Variants in ANKMY1 observed in about 807,000 individuals in gnomAD.
ANKMY1 encodes ankyrin repeat and MYND domain-containing protein 1.
ANKMY1 carries 98 observed loss-of-function variants against 102.0 expected under a neutral mutation model. That is an observed-to-expected ratio of 0.96 (90% CI 0.82 to 1.14). ANKMY1 has a LOEUF of 1.14. ANKMY1 is among the 50% of genes most tolerant of loss of function. The pLI is 0.00. For missense variants in ANKMY1, 1,330 were observed against 1,347.6 expected (o/e 0.99, Z 0.20); for synonymous variants, 582 against 559.9 (o/e 1.04, Z -0.56).
At chr2:240,500,854 G>C (rs547885725) in intron 13 of ANKMY1, among the ~76,000 whole-genome samples, 1 of 152,202 alleles carries the variant, frequency 6.6e-6, no homozygotes, top group Non-Finnish European at 1.5e-5. Flanking sequence ...CCATAGAATC[G>C]ACAGAGTCTG....
intron 15 of ANKMY1, among the ~76,000 whole-genome samples, chr2:240,485,249 A>G (rs1249954585): frequency 6.6e-6 from 1 of 151,300 alleles, no homozygotes; most frequent in African/African-American, 2.4e-5. Flanking sequence ...AATGGCGTGA[A>G]CCCGGGAGGT....
At chr2:240,468,896 C>T in the ANKMY1 span, among the ~76,000 whole-genome samples, 1 of 152,190 alleles carries the variant, frequency 6.6e-6, no homozygotes, top group Non-Finnish European at 1.5e-5. Flanking sequence ...GCACACAGGC[C>T]TCCCACAAAG....
At chr2:240,552,605 T>C (rs1458864120) in intron 4 of ANKMY1, 16 of 362,996 alleles carry the variant, frequency 4.4e-5, no homozygotes, top group Non-Finnish European at 7.8e-5. Context: ...TGTTCTCCAT[T>C]TAAAAAGGCA....
At chr2:240,537,627 T>C (rs1380311050) in intron 4 of ANKMY1, among the ~76,000 whole-genome samples, 3 of 152,220 alleles carry the variant, frequency 2.0e-5, no homozygotes, top group Non-Finnish European at 4.4e-5. Flanking sequence ...CACTCCCAAG[T>C]ATCTTCCCAA....
At chr2:240,498,841 C>T (rs2077650955) in intron 15 of ANKMY1, among the ~76,000 whole-genome samples, 1 of 152,064 alleles carries the variant, frequency 6.6e-6, no homozygotes, top group Admixed American at 6.5e-5. Context: ...GCCTGGGACA[C>T]CCCCGCCTTC....
At chr2:240,539,722 G>GCTAA (rs1559360607) in intron 4 of ANKMY1, among the ~76,000 whole-genome samples, 1 of 152,214 alleles carries the variant, frequency 6.6e-6, no homozygotes. Flanking sequence ...GATGCATGAT[G>GCTAA]CTAAGTGTCA....
intron 16 of ANKMY1, 77 bp from the exon 17 acceptor site, chr2:240,481,174 G>A: frequency 6.5e-7 from 1 of 1,538,434 alleles, no homozygotes. Context: ...CCTGGGAGCT[G>A]TGCCTGGCCC....
intron 2 of ANKMY1, among the ~76,000 whole-genome samples, chr2:240,556,373 A>C (rs1272762999): frequency 3.3e-5 from 5 of 151,774 alleles, no homozygotes; most frequent in Non-Finnish European, 7.4e-5. Flanking sequence ...AAGGAGAAAG[A>C]CTCTCCTTTG....
In ANKMY1 at chr2:240,506,209, C is replaced by T. The variant is rs777313063; in HGVS notation, c.2526+1351G>A. ...TTCTGTATGTTCAAGGCACATTCAG[C>T]GTCCACACACAACAACGCTGCCCCC... On this transcript the variant is annotated intron_variant, in intron 13 of 17. Transcript: ENST00000401804. This position sits in a 1 kb window ranked among gnomAD's most constrained non-coding sequence, Gnocchi z 4.9. Among the ~76,000 whole-genome samples the T allele has an allele frequency of 1.3e-5, 2 of 152,208 alleles. No homozygotes were observed. The highest frequency in any genetic ancestry group is 4.8e-5 in the African/African-American group (2 of 41,456).
the ANKMY1 span, among the ~76,000 whole-genome samples, chr2:240,472,049 T>C: frequency 7.3e-4 from 111 of 151,866 alleles, no homozygotes; most frequent in African/African-American, 2.7e-3. Flanking sequence ...CAGTCCTGCC[T>C]TCCCAAGGAC....
At chr2:240,551,314 T>A (rs1324007987) in intron 4 of ANKMY1, among the ~76,000 whole-genome samples, 1 of 152,244 alleles carries the variant, frequency 6.6e-6, no homozygotes. Flanking sequence ...TCTGCCTAAT[T>A]TCTCCAGAAT....
chr2:240,557,828 G>C, intron 1 of ANKMY1, 53 bp downstream of exon 1: 1 of 972,442 alleles, frequency 1.0e-6, no homozygotes, highest in African/African-American at 1.8e-5. Context: ...GCCCCACGGA[G>C]CTCCGGGATC....
rs990102971 is a variant in ANKMY1, at chr2:240,529,772, A to G, written c.481-263T>C. Among the ~76,000 whole-genome samples, 1 of 152,070 alleles carries G rather than the reference A, an allele frequency of 6.6e-6. No homozygotes were observed. Among genetic ancestry groups the G allele is most frequent in the Non-Finnish European group, 1.5e-5 (1 of 67,994 alleles). ...GCCAGGGAGGTCTCAGTGGCCTCTGAGGTGAGGACATGATGGAAGTCTCAT... is the reference window on the plus strand; with the variant it reads ...GCCAGGGAGGTCTCAGTGGCCTCTGGGGTGAGGACATGATGGAAGTCTCAT... On this transcript the variant is annotated intron_variant, in intron 4 of 17. Coordinates refer to ENST00000401804, the MANE Select transcript of ANKMY1 (RefSeq NM_001282771.3). This position sits in a 1 kb window ranked among gnomAD's most constrained non-coding sequence, Gnocchi z 4.2.
intron 15 of ANKMY1, among the ~76,000 whole-genome samples, chr2:240,489,588 T>G (rs900198568): frequency 6.6e-6 from 1 of 152,246 alleles, no homozygotes; most frequent in African/African-American, 2.4e-5. Context: ...TTTATTAATT[T>G]GCATATGTTG....
chr2:240,475,521 G>A (rs1032168030), downstream of ANKMY1, among the ~76,000 whole-genome samples: 6 of 151,870 alleles, frequency 4.0e-5, no homozygotes, highest in Non-Finnish European at 8.8e-5. Flanking sequence ...AAAGAACCTT[G>A]CTTAAATACT....
At chr2:240,542,916 TTAAG>T (rs974982735) in intron 4 of ANKMY1, among the ~76,000 whole-genome samples, 5 of 150,292 alleles carry the variant, frequency 3.3e-5, no homozygotes, top group East Asian at 1.9e-4. Context: ...TTAATTTTCA[TTAAG>T]TAATAAGTAA....
At chr2:240,498,842 C>A (rs1020976758) in intron 15 of ANKMY1, among the ~76,000 whole-genome samples, 3 of 151,978 alleles carry the variant, frequency 2.0e-5, no homozygotes, top group African/African-American at 4.8e-5. Context: ...CCTGGGACAC[C>A]CCCGCCTTCT....
chr2:240,560,934 C>G (rs755399446), upstream of ANKMY1: 9 of 1,536,996 alleles, frequency 5.9e-6, no homozygotes, highest in East Asian at 1.3e-4. Context: ...GCACCTGGAG[C>G]CCACGTGCGC....
rs1200675258 is a variant in ANKMY1, at chr2:240,492,599, C to A, written c.2806+7359G>T. Among the ~76,000 whole-genome samples, 5 of 152,134 alleles carry A rather than the reference C, an allele frequency of 3.3e-5. No homozygotes were observed. In the East Asian group the frequency reaches 9.6e-4, roughly 29 times the overall value. On this transcript the variant is annotated intron_variant, in intron 15 of 17. Transcript: ENST00000401804. ...TTTAAAATGTCTCTTTGATAAATTTCTCATTCATATCCTGAATTGTTTTTC... is the reference window on the plus strand; with the variant it reads ...TTTAAAATGTCTCTTTGATAAATTTATCATTCATATCCTGAATTGTTTTTC...
Sources: gnomAD v4.1 joint callset for allele counts (sites outside exome capture counted in the v4.1 genomes callset) on GRCh38, gnomAD v4.1.1 for gene constraint, Gnocchi (gnomAD v3.1) non-coding constraint, MANE v1.5 for transcripts, NCBI Gene and HGNC (gene_info 2026-07-23, HGNC 2026-07-21) for gene names.